PHF8: variants seen among roughly 807,000 people sequenced by gnomAD.
PHF8 encodes histone lysine demethylase PHF8.
A neutral mutation model predicts 74.4 loss-of-function variants in PHF8; 9 were observed. The ratio of observed to expected loss-of-function variants is 0.12; its 90% CI spans 0.07 to 0.21. The LOEUF is 0.21. PHF8 is among the 10% of genes least tolerant of loss of function. The probability of loss-of-function intolerance (pLI) is 1.00; values close to 1 mark genes in which losing one functional copy is unlikely to be tolerated. For synonymous variants in PHF8, 311 were observed against 316.6 expected (o/e 0.98, Z 0.19); for missense variants, 478 against 816.6 (o/e 0.59, Z 5.05).
At chrX:53,977,069 T>C (rs2065390342) in intron 18 of PHF8, among the ~76,000 whole-genome samples, 1 of 112,644 alleles carries the variant, frequency 8.9e-6, no homozygotes, top group Admixed American at 9.4e-5. Context: ...GTGTGGTGGC[T>C]CATGCCAATA....
chrX:54,001,974 T>C (rs1176049238), intron 10 of PHF8, among the ~76,000 whole-genome samples, 181 bp downstream of exon 10: 1 of 111,197 alleles, frequency 9.0e-6, no homozygotes, highest in Non-Finnish European at 1.9e-5. Context: ...TTTAAAGCAC[T>C]AATTATCACT....
At position 53,936,968 on chromosome X, in the gene PHF8, CCT is replaced by C. The variant is rs1441639674; in HGVS notation, c.*2188_*2189del. 2.7e-5 allele frequency: 3 copies of C among 110,891 alleles called. No individual in the cohort carries two copies. Among genetic ancestry groups the C allele is most frequent in the Non-Finnish European group, 5.7e-5 (3 of 52,884 alleles). 9.1% of individuals were successfully genotyped at this position (110,891 alleles called of 1,213,427 possible). A position where few individuals can be genotyped will look rare whatever the true frequency, so the allele number is the denominator to read the frequency against. On this transcript the variant is annotated 3_prime_UTR_variant, in exon 22 of 22. Coordinates refer to ENST00000338154, the MANE Select transcript of PHF8 (RefSeq NM_015107.3). ...GAATAGAAATCCTCTCTCCCTTCCC[CCT>C]GTCCAGCCCCCAGCTAGGGACTGGA...
chrX:53,983,350 A>G (rs1214493015), intron 18 of PHF8, among the ~76,000 whole-genome samples: 2 of 111,861 alleles, frequency 1.8e-5, no homozygotes, highest in South Asian at 3.7e-4. Flanking sequence ...TTACAAATCA[A>G]TAAGAAAAAC....
intron 18 of PHF8, among the ~76,000 whole-genome samples, chrX:53,966,048 G>A (rs1192556915): frequency 8.9e-6 from 1 of 111,801 alleles, no homozygotes; most frequent in Non-Finnish European, 1.9e-5. Context: ...GAAGAATGAT[G>A]TCTTAACAAA....
At chrX:53,993,076 G>A (rs1275117270) in intron 13 of PHF8, 4 of 397,178 alleles carry the variant, frequency 1.0e-5, no homozygotes, top group African/African-American at 2.5e-5. Flanking sequence ...AAAAGAGGGG[G>A]CACATCTTCA....
In PHF8 at chrX:53,974,589, T is replaced by C. The variant is rs192767264; in HGVS notation, c.2443+10325A>G. Among the ~76,000 whole-genome samples the C allele has an allele frequency of 3.0e-3, 334 of 111,751 alleles. 2 individuals are homozygous for C. The highest frequency in any genetic ancestry group is 4.2e-3 in the Non-Finnish European group (222 of 53,163). On this transcript the variant is annotated intron_variant, in intron 18 of 21. Transcript: ENST00000338154. ...ACCCAAAGGAATATAAATAATTCTA[T>C]TATAAAGATACGTGCACACGTATGT...
In PHF8 at chrX:53,938,957, C is replaced by T; in HGVS notation, c.*201G>A. On this transcript the variant is annotated 3_prime_UTR_variant, in exon 22 of 22. Transcript: ENST00000338154. ...TTTACCTGCTCCTCAGTGGAGAAGG[C>T]AGGCAGGATGCTCTAGTGAAAGTGG... 1 of 1,000,775 alleles carries T rather than the reference C, an allele frequency of 1.0e-6. No individual in the cohort carries two copies. The highest frequency in any genetic ancestry group is 1.3e-6 in the Non-Finnish European group (1 of 792,248). The allele number at this position is 1,000,775 out of a possible 1,213,427, so 82.5% of individuals were successfully genotyped here.
chrX:54,018,429 C>A (rs1238314894), intron 4 of PHF8, among the ~76,000 whole-genome samples: 51 of 106,280 alleles, frequency 4.8e-4, no homozygotes, highest in African/African-American at 1.7e-3. Flanking sequence ...GCACTCCAGC[C>A]TGGGTGACAG....
intron 18 of PHF8, among the ~76,000 whole-genome samples, chrX:53,973,981 C>T (rs138310191): frequency 0.069 from 7,666 of 110,746 alleles, 397 homozygotes; most frequent in African/African-American, 0.17. Context: ...GACATTCAGC[C>T]GGGCGCGGTG....
rs1557100225 is a variant in PHF8, at chrX:53,987,955, G to T, written c.1731-11C>A. The T allele has an allele frequency of 8.4e-7, 1 of 1,186,843 alleles. No individual in the cohort carries two copies. The highest frequency in any genetic ancestry group is 2.2e-5 in the Admixed American group (1 of 45,900). On this transcript the variant is annotated splice_polypyrimidine_tract_variant and intron_variant, in intron 14 of 21. Coordinates refer to ENST00000338154, the MANE Select transcript of PHF8 (RefSeq NM_015107.3). ...TTCACCCTTTTCGTACTGAAGGGAA[G>T]GAGAACATAAAAACAGTCACTAGCA...
chrX:53,943,127 C>T, intron 20 of PHF8: 2 of 848,217 alleles, frequency 2.4e-6, no homozygotes, highest in Non-Finnish European at 2.9e-6. Flanking sequence ...CACAGCTTTA[C>T]TTAATTTATA....
chrX:53,986,878 A>T (rs2065574762), intron 16 of PHF8, among the ~76,000 whole-genome samples, 200 bp downstream of exon 16: 1 of 111,535 alleles, frequency 9.0e-6, no homozygotes, highest in Non-Finnish European at 1.9e-5. Context: ...GTGAACCATG[A>T]TCATGCCATT....
At chrX:53,955,316 C>G (rs1297867832) in intron 19 of PHF8, among the ~76,000 whole-genome samples, 1 of 110,704 alleles carries the variant, frequency 9.0e-6, no homozygotes, top group Non-Finnish European at 1.9e-5. Context: ...TAGGCTCAAA[C>G]AATCCTCCCA....
intron 18 of PHF8, among the ~76,000 whole-genome samples, chrX:53,967,826 G>T (rs1162368788): frequency 8.8e-6 from 1 of 113,515 alleles, no homozygotes; most frequent in Non-Finnish European, 1.9e-5. Context: ...CCCCAACCCT[G>T]TGCTCTCTGA....
intron 19 of PHF8, among the ~76,000 whole-genome samples, chrX:53,951,612 G>A (rs1443819080): frequency 9.1e-6 from 1 of 110,201 alleles, no homozygotes; most frequent in African/African-American, 3.3e-5. Context: ...CACCACGCCC[G>A]GCTAATTTTT....
chrX:53,985,820 G>C lies in PHF8; in HGVS notation c.2125C>G (p.Leu709Val). 8.3e-7 allele frequency: 1 copy of C among 1,211,666 alleles called. No homozygotes were observed. Among genetic ancestry groups the C allele is most frequent in the Non-Finnish European group, 1.1e-6 (1 of 895,454 alleles). Residue 709 changes from leucine (L) to valine (V), a missense_variant, in exon 17 of 22, where the codon CTC becomes GTC. Leu to Val is a conservative substitution (Grantham distance 32, BLOSUM62 1). Transcript: ENST00000338154. ...RQVGGPDYAALTEAPASPSTQ... is the reference protein window; with the variant it reads ...RQVGGPDYAAVTEAPASPSTQ... ...GAGATAAAAGCCAGTACTCACGTGA[G>C]GGCAGCATAGTCAGGTCCCCCCACC...
chrX:54,028,580 C>A (rs1344642454), intron 2 of PHF8, among the ~76,000 whole-genome samples: 2 of 111,507 alleles, frequency 1.8e-5, no homozygotes, highest in African/African-American at 6.5e-5. Flanking sequence ...CCAGATTAGA[C>A]CCTTCCCTCC....
At chrX:53,969,782 C>A (rs1329981086) in intron 18 of PHF8, among the ~76,000 whole-genome samples, 1 of 111,867 alleles carries the variant, frequency 8.9e-6, no homozygotes, top group Non-Finnish European at 1.9e-5. Flanking sequence ...GATACATGGG[C>A]CAACAGAACA....
upstream of PHF8, among the ~76,000 whole-genome samples, chrX:54,047,169 C>G (rs782050618): frequency 4.9e-4 from 55 of 111,561 alleles, no homozygotes; most frequent in East Asian, 5.6e-4. Context: ...AAAAATTGGT[C>G]CAGGATAGTT....
Sources: gnomAD v4.1 joint callset for allele counts (sites outside exome capture counted in the v4.1 genomes callset) on GRCh38, gnomAD v4.1.1 for gene constraint, MANE v1.5 for transcripts, NCBI Gene and HGNC (gene_info 2026-07-23, HGNC 2026-07-21) for gene names.